The following SUGCT variants were observed in gnomAD, a reference collection of about 807,000 sequenced individuals.
The protein encoded by SUGCT is succinyl-CoA:glutarate CoA-transferase.
In SUGCT, 41 loss-of-function variants were observed where a neutral mutation model predicts 55.0. The observed-to-expected ratio is 0.74, with a 90% confidence interval of 0.58 to 0.97. SUGCT has a LOEUF of 0.97. SUGCT is among the 50% of genes least tolerant of loss of function. The pLI is 0.00. For missense variants in SUGCT, 568 were observed against 547.8 expected (o/e 1.04, Z -0.37); for synonymous variants, 187 against 200.4 (o/e 0.93, Z 0.56).
At chr7:40,869,351 A>G in the SUGCT span, among the ~76,000 whole-genome samples, 1 of 152,202 alleles carries the variant, frequency 6.6e-6, no homozygotes. Flanking sequence ...CATGGCAAGG[A>G]ATGCAGGTGG....
chr7:41,008,805 G>C, the SUGCT span, among the ~76,000 whole-genome samples: 1 of 151,954 alleles, frequency 6.6e-6, no homozygotes, highest in Non-Finnish European at 1.5e-5. Flanking sequence ...TCTTGACTGG[G>C]GAGGACCTGG....
At chr7:40,608,125 C>G (rs1481694616) in intron 12 of SUGCT, among the ~76,000 whole-genome samples, 1 of 152,200 alleles carries the variant, frequency 6.6e-6, no homozygotes, top group Non-Finnish European at 1.5e-5. Context: ...TTGTATCAAA[C>G]AGCCTTTTGT....
intron 1 of SUGCT, among the ~76,000 whole-genome samples, chr7:40,166,097 G>A (rs1193713797): frequency 5.3e-5 from 8 of 152,176 alleles, no homozygotes; most frequent in African/African-American, 1.4e-4. Context: ...ACTCCAGCCT[G>A]GGTGACAGAG....
chr7:40,275,066 G>A (rs1350409049), intron 8 of SUGCT, among the ~76,000 whole-genome samples: 1 of 152,166 alleles, frequency 6.6e-6, no homozygotes, highest in East Asian at 1.9e-4. Context: ...CTCCCAAAGT[G>A]CTGGGATTAC....
intron 8 of SUGCT, among the ~76,000 whole-genome samples, chr7:40,310,090 G>A (rs942295091): frequency 6.6e-6 from 1 of 152,102 alleles, no homozygotes; most frequent in African/African-American, 2.4e-5. Context: ...GTATGGAAAG[G>A]GGGAGGAAAA....
intron 6 of SUGCT, among the ~76,000 whole-genome samples, chr7:40,211,572 T>G (rs866967405): frequency 4.6e-5 from 7 of 152,180 alleles, no homozygotes; most frequent in Non-Finnish European, 1.0e-4. Context: ...ATAAGCTTTT[T>G]GATCCATCAT....
chr7:41,004,550 A>T, the SUGCT span, among the ~76,000 whole-genome samples: 1 of 152,206 alleles, frequency 6.6e-6, no homozygotes, highest in South Asian at 2.1e-4. Flanking sequence ...GACATCTGCA[A>T]TGGGACATCA....
At position 40,361,301 on chromosome 7, in the gene SUGCT, G is replaced by A. The variant is rs368718960; in HGVS notation, c.816+44446G>A. 6.6e-4 allele frequency among the ~76,000 whole-genome samples: 100 copies of A among 152,194 alleles called. No homozygotes were observed. In the Middle Eastern group the frequency reaches 0.017, roughly 26 times the overall value. On this transcript the variant is annotated intron_variant, in intron 9 of 13. Coordinates refer to ENST00000335693, the MANE Select transcript of SUGCT (RefSeq NM_001193313.2). ...AAAAAGAGAGAAAATTTGGTCAGGC[G>A]CGGTGGCTCACGCTGGTAATCCTAG... is the stretch of plus-strand genomic sequence containing the variant.
chr7:40,843,058 T>C (rs1483591751), intron 13 of SUGCT, among the ~76,000 whole-genome samples: 1 of 152,188 alleles, frequency 6.6e-6, no homozygotes, highest in Admixed American at 6.5e-5. Flanking sequence ...TCACTCCCTC[T>C]TGAGGAAATA....
intron 6 of SUGCT, among the ~76,000 whole-genome samples, chr7:40,210,866 G>A (rs1365415631): frequency 3.3e-5 from 5 of 152,176 alleles, no homozygotes; most frequent in Non-Finnish European, 7.3e-5. Context: ...AAGGTAGGGT[G>A]GAGCAGGTGA....
the SUGCT span, among the ~76,000 whole-genome samples, chr7:41,025,588 C>G: frequency 2.6e-5 from 4 of 152,094 alleles, no homozygotes; most frequent in Non-Finnish European, 5.9e-5. Context: ...AACTCCTGAC[C>G]TTGTGATCAG....
At chr7:40,962,348 T>C in the SUGCT span, among the ~76,000 whole-genome samples, 2 of 152,190 alleles carry the variant, frequency 1.3e-5, no homozygotes, top group African/African-American at 4.8e-5. Flanking sequence ...GCATTTGCAG[T>C]CCTTTAGCTA....
intron 6 of SUGCT, among the ~76,000 whole-genome samples, chr7:40,211,877 T>C (rs1297500424): frequency 6.6e-6 from 1 of 152,198 alleles, no homozygotes; most frequent in Non-Finnish European, 1.5e-5. Flanking sequence ...CTTGGGAATG[T>C]GGGCACAAGA....
chr7:40,679,148 G>A (rs1037396173), intron 12 of SUGCT, among the ~76,000 whole-genome samples: 4 of 152,078 alleles, frequency 2.6e-5, no homozygotes, highest in African/African-American at 4.8e-5. Context: ...AGGTACAAAC[G>A]TCTCTGTAGT....
At chr7:40,538,128 G>T (rs1794469729) in intron 12 of SUGCT, 1 of 151,518 alleles carries the variant, frequency 6.6e-6, no homozygotes. Context: ...ACCATAAACT[G>T]TGCTTTAGGT....
intron 9 of SUGCT, among the ~76,000 whole-genome samples, chr7:40,395,008 T>G (rs1785645321): frequency 6.6e-6 from 1 of 152,244 alleles, no homozygotes; most frequent in African/African-American, 2.4e-5. Context: ...TTTGAATTCC[T>G]TATAATTTTT....
chr7:40,793,104 G>A lies in SUGCT; in HGVS notation c.1153+43607G>A, dbSNP rs115253878. ...TTAAAGCCATAATTAGATTTCATGAGTTACTGGATTTGCCTGCATTATACT... is the reference window on the plus strand; with the variant it reads ...TTAAAGCCATAATTAGATTTCATGAATTACTGGATTTGCCTGCATTATACT... On this transcript the variant is annotated intron_variant, in intron 13 of 13. Coordinates refer to ENST00000335693, the MANE Select transcript of SUGCT (RefSeq NM_001193313.2). 240 of 152,158 alleles carry A rather than the reference G, an allele frequency of 1.6e-3. 1 individual carries two copies. Among genetic ancestry groups the A allele is most frequent in the African/African-American group, 5.6e-3 (234 of 41,534 alleles). The allele number at this position is 152,158 out of a possible 1,614,324, so 9.4% of individuals were successfully genotyped here.
At chr7:40,157,411 T>C (rs1397013794) in intron 1 of SUGCT, among the ~76,000 whole-genome samples, 3 of 152,220 alleles carry the variant, frequency 2.0e-5, no homozygotes, top group African/African-American at 7.2e-5. Context: ...TGGGTTTTCA[T>C]TGCATTGTCT....
At chr7:40,732,386 C>A (rs1265949309) in intron 12 of SUGCT, among the ~76,000 whole-genome samples, 1 of 152,122 alleles carries the variant, frequency 6.6e-6, no homozygotes, top group African/African-American at 2.4e-5. Flanking sequence ...TCATTTAATC[C>A]CATCTGAAAA....
Sources: allele counts gnomAD v4.1 joint callset (sites outside exome capture counted in the v4.1 genomes callset), GRCh38; gene constraint gnomAD v4.1.1; transcripts MANE v1.5; gene names NCBI Gene and HGNC (gene_info 2026-07-23, HGNC 2026-07-21).